MAGEA11: variants seen among roughly 807,000 people sequenced by gnomAD.
MAGEA11 encodes the protein melanoma-associated antigen 11.
Under a neutral mutation model 8.4 loss-of-function variants are expected in MAGEA11, and 1 was observed. The observed-to-expected ratio is 0.12, with a 90% CI of 0.04 to 0.57. MAGEA11 has a LOEUF of 0.57. Ranked by LOEUF, MAGEA11 falls within the 20% of genes least tolerant of loss-of-function variation. MAGEA11 has a pLI of 0.91. For missense variants in MAGEA11, 209 were observed against 317.3 expected (o/e 0.66, Z 2.59); for synonymous variants, 127 against 119.3 (o/e 1.06, Z -0.42).
At chrX:149,706,347 A>G (rs1251414970) in intron 1 of MAGEA11, among the ~76,000 whole-genome samples, 4 of 111,790 alleles carry the variant, frequency 3.6e-5, no homozygotes, top group Non-Finnish European at 7.5e-5. Context: ...GAGATCCTAG[A>G]TGGCTCTTTG....
chrX:149,715,615 A>C lies in MAGEA11; in HGVS notation c.204A>C (p.Glu68Asp), dbSNP rs1569561419. The change falls in exon 4 of 5, where the codon GAA becomes GAC. Residue 68 changes from glutamate (E) to aspartate (D), a missense_variant. Glu to Asp is a conservative substitution (Grantham distance 45). Transcript: ENST00000355220. ...ACTTCCTTTTTCAGGTTTTTAGAGAACAGGCCAACCTGGAGGACAGGAGTC... is the reference window on the plus strand; with the variant it reads ...ACTTCCTTTTTCAGGTTTTTAGAGACCAGGCCAACCTGGAGGACAGGAGTC... ...QDLPRVQVFR[E>D]QANLEDRSPR... is the part of the protein sequence containing the mutation. 2 of 1,207,443 alleles carry C rather than the reference A, an allele frequency of 1.7e-6. No homozygotes were observed. Among genetic ancestry groups the C allele is most frequent in the Non-Finnish European group, 2.2e-6 (2 of 892,062 alleles).
intron 1 of MAGEA11, among the ~76,000 whole-genome samples, chrX:149,703,123 C>T (rs1184368293): frequency 9.0e-6 from 1 of 111,478 alleles, no homozygotes; most frequent in African/African-American, 3.3e-5. Context: ...CTCAGTTGTG[C>T]ATATCAGGGC....
intron 1 of MAGEA11, among the ~76,000 whole-genome samples, chrX:149,701,866 G>T (rs374292328): frequency 9.0e-6 from 1 of 111,607 alleles, no homozygotes; most frequent in South Asian, 3.8e-4. Flanking sequence ...TGTCCAAGAT[G>T]AGATAGTTGT....
chrX:149,707,479 G>C (rs994893212), upstream of MAGEA11, among the ~76,000 whole-genome samples: 1 of 112,045 alleles, frequency 8.9e-6, no homozygotes, highest in Admixed American at 9.4e-5. Flanking sequence ...CCTCAGTAAA[G>C]TGTCTTATCC....
In MAGEA11 at chrX:149,713,237, A is replaced by G; in HGVS notation, c.78A>G (p.Ser26=). 1 of 1,201,729 alleles carries G rather than the reference A, an allele frequency of 8.3e-7. No individual in the cohort carries two copies. Among genetic ancestry groups the G allele is most frequent in the Non-Finnish European group, 1.1e-6 (1 of 889,120 alleles). The part of the protein sequence containing the change: ...SIKRKKKRED[S]GDFGLQVSTM... ...AGAGGAAGAAGAAGAGGGAGGACTC[A>G]GGAGACTTTGGACTCCAGGTCAGTA... Residue 26 remains serine, a synonymous_variant, in exon 2 of 5, where the codon TCA becomes TCG. Coordinates refer to ENST00000355220, the MANE Select transcript of MAGEA11 (RefSeq NM_005366.5).
chrX:149,716,712 G>A lies in MAGEA11; in HGVS notation c.1226G>A (p.Arg409Lys). 1 of 1,209,648 alleles carries A rather than the reference G, an allele frequency of 8.3e-7. No homozygotes were observed. The highest frequency in any genetic ancestry group is 1.1e-6 in the Non-Finnish European group (1 of 894,350). The change falls in exon 5 of 5, where the codon AGG becomes AAG. Residue 409 changes from arginine (R) to lysine (K), a missense_variant. Arg to Lys is a conservative substitution (Grantham distance 26, BLOSUM62 2). Coordinates refer to ENST00000355220, the MANE Select transcript of MAGEA11 (RefSeq NM_005366.5). ...VLEYIANANG[R>K]DPTSYPSLYE... ...GAGTACATAGCCAATGCCAATGGGAGGGATCCCACTTCTTACCCATCCCTG... is the reference window on the plus strand; with the variant it reads ...GAGTACATAGCCAATGCCAATGGGAAGGATCCCACTTCTTACCCATCCCTG...
upstream of MAGEA11, chrX:149,712,000 G>A: frequency 2.7e-6 from 2 of 745,521 alleles, no homozygotes; most frequent in Non-Finnish European, 3.2e-6. Flanking sequence ...GGGCAGAATC[G>A]GGTTCGCTCC....
At position 149,713,149 on chromosome X, in the gene MAGEA11, G is replaced by A. The variant is rs1557362083; in HGVS notation, c.-11G>A. The A allele has an allele frequency of 8.4e-7, 1 of 1,192,221 alleles. No homozygotes were observed. Among genetic ancestry groups the A allele is most frequent in the Admixed American group, 2.2e-5 (1 of 45,804 alleles). On this transcript the variant is annotated 5_prime_UTR_variant, in exon 2 of 5. Transcript: ENST00000355220. Reference sequence around the variant, plus strand: ...GAGGTGCCTTTTCATTCAGCCTTGGGAATCTGAGGGATGGAGACTCAGTTC... The same window carrying A: ...GAGGTGCCTTTTCATTCAGCCTTGGAAATCTGAGGGATGGAGACTCAGTTC...
chrX:149,714,822 G>T (rs2090419093), intron 3 of MAGEA11, among the ~76,000 whole-genome samples: 1 of 111,539 alleles, frequency 9.0e-6, no homozygotes, highest in Non-Finnish European at 1.9e-5. Flanking sequence ...TGACGGGACA[G>T]CACTTACCAA....
rs186341107 is a variant in MAGEA11, at chrX:149,713,127, G to C, written c.-17-16G>C. Reference sequence around the variant, plus strand: ...CATAGTCCCGCCGTCTCAAACTGAGGTGCCTTTTCATTCAGCCTTGGGAAT... The same window carrying C: ...CATAGTCCCGCCGTCTCAAACTGAGCTGCCTTTTCATTCAGCCTTGGGAAT... On this transcript the variant is annotated splice_polypyrimidine_tract_variant and intron_variant, in intron 1 of 4. Transcript: ENST00000355220. The C allele has an allele frequency of 1.3e-3, 1,476 of 1,120,341 alleles. 7 individuals are homozygous for C. In the African/African-American group the frequency reaches 0.017, roughly 13 times the overall value. 92.3% of individuals were successfully genotyped at this position (1,120,341 alleles called of 1,213,427 possible). A position where few individuals can be genotyped will look rare whatever the true frequency, so the allele number is the denominator to read the frequency against.
chrX:149,697,911 G>A (rs1057247478), intron 1 of MAGEA11, among the ~76,000 whole-genome samples: 4 of 111,744 alleles, frequency 3.6e-5, no homozygotes, highest in Admixed American at 9.4e-5. Context: ...TTCCCCCTTC[G>A]CACTGCACTT....
chrX:149,705,275 T>A (rs1292107000), intron 1 of MAGEA11, among the ~76,000 whole-genome samples: 2 of 111,724 alleles, frequency 1.8e-5, no homozygotes, highest in Non-Finnish European at 3.8e-5. Flanking sequence ...TTTGAGATAA[T>A]TGAATCATGG....
rs2090404161 is a variant in MAGEA11, at chrX:149,712,061, T to C, written c.-119T>C. The stretch of plus-strand genomic sequence containing the variant: ...GCGTGGGGGCCGGATGTGACCTCCA[T>C]TGGCTTCCGCCTCTGGGATCTGAGA... On this transcript the variant is annotated 5_prime_UTR_variant, in exon 1 of 5. Transcript: ENST00000355220. 18 of 751,954 alleles carry C rather than the reference T, an allele frequency of 2.4e-5. No homozygotes were observed. The highest frequency in any genetic ancestry group is 2.8e-5 in the Non-Finnish European group (18 of 637,654). 62.0% of individuals were successfully genotyped at this position (751,954 alleles called of 1,213,427 possible). A position where few individuals can be genotyped will look rare whatever the true frequency, so the allele number is the denominator to read the frequency against.
chrX:149,702,518 T>C (rs1046421123), intron 1 of MAGEA11, among the ~76,000 whole-genome samples: 1 of 111,176 alleles, frequency 9.0e-6, no homozygotes, highest in Admixed American at 9.6e-5. Context: ...GTATGATATA[T>C]CTTTTCCCAT....
chrX:149,706,317 A>G lies in MAGEA11; in HGVS notation c.10-8164A>G, dbSNP rs992903853. 1.1e-4 allele frequency among the ~76,000 whole-genome samples: 12 copies of G among 112,004 alleles called. No homozygotes were observed. In the East Asian group the frequency reaches 2.3e-3, roughly 21 times the overall value. ...GTGGGTTTCACCCATTAGTCTTCTT[A>G]AACTTTTTGGGGGTACACCGAGATC... On this transcript the variant is annotated intron_variant, in intron 1 of 3. Transcript: ENST00000333104.
rs782223985 is a variant in MAGEA11, at chrX:149,716,190, G to A, written c.704G>A (p.Arg235His). Residue 235 changes from arginine (R) to histidine (H), a missense_variant, in exon 5 of 5, where the codon CGC becomes CAC. Arg to His is a conservative substitution (Grantham distance 29). This residue lies in a region of MAGEA11 where 78 missense variants were observed against 178.8 expected (regional missense o/e 0.44). Transcript: ENST00000355220. The part of the protein sequence containing the change: ...KIIDLVHLLL[R>H]KYRVKGLITK... The stretch of plus-strand genomic sequence containing the variant: ...ATTGATTTGGTTCATTTATTGCTCC[G>A]CAAGTATCGAGTCAAGGGGCTGATC... 1.5e-5 allele frequency: 18 copies of A among 1,210,038 alleles called. No homozygotes were observed. Among genetic ancestry groups the A allele is most frequent in the Middle Eastern group, 2.3e-4 (1 of 4,376 alleles).
At chrX:149,713,776 A>G (rs1557362153) in intron 2 of MAGEA11, 3 of 114,456 alleles carry the variant, frequency 2.6e-5, no homozygotes, top group African/African-American at 9.8e-5. Flanking sequence ...GCAGAGGGAT[A>G]CACACCTGGT....
intron 2 of MAGEA11, 198 bp downstream of exon 2, chrX:149,713,453 G>A (rs1356681776): frequency 2.8e-5 from 10 of 361,808 alleles, no homozygotes; most frequent in Admixed American, 1.7e-4. Context: ...CCCTGCCATC[G>A]GTCCTTGGAG....
Position 149,716,183 on chromosome X carries a change from T to C in MAGEA11, c.697T>C (p.Leu233=), listed in dbSNP as rs782383747. The C allele has an allele frequency of 3.1e-5, 38 of 1,210,504 alleles. No homozygotes were observed. The highest frequency in any genetic ancestry group is 3.9e-5 in the Non-Finnish European group (35 of 895,235). Residue 233 remains leucine, a synonymous_variant, in exon 5 of 5, where the codon TTG becomes CTG. Coordinates refer to ENST00000355220, the MANE Select transcript of MAGEA11 (RefSeq NM_005366.5). ...CAAGATAATTGATTTGGTTCATTTA[T>C]TGCTCCGCAAGTATCGAGTCAAGGG... ...HDKIIDLVHL[L]LRKYRVKGLI...
Sources: allele counts gnomAD v4.1 joint callset (sites outside exome capture counted in the v4.1 genomes callset), GRCh38; gene constraint gnomAD v4.1.1; regional missense constraint gnomAD v4.1.1; transcripts MANE v1.5; gene names NCBI Gene and HGNC (gene_info 2026-07-23, HGNC 2026-07-21).